KATNIP: variants seen among roughly 807,000 people sequenced by gnomAD.
The protein encoded by KATNIP is katanin-interacting protein.
KATNIP carries 126 observed loss-of-function variants against 174.0 expected under a neutral mutation model. The ratio of observed to expected loss-of-function variants is 0.72; its 90% CI spans 0.63 to 0.84. The LOEUF (loss-of-function observed/expected upper bound fraction) is 0.84. Among genes scored for constraint, KATNIP ranks in the 40% least tolerant of loss-of-function variants. The pLI is 0.00. For missense variants in KATNIP, 1,958 were observed against 2,109.7 expected (o/e 0.93, Z 1.41); for synonymous variants, 810 against 835.7 (o/e 0.97, Z 0.53).
intron 2 of KATNIP, among the ~76,000 whole-genome samples, chr16:27,609,292 G>C (rs775179470): frequency 6.6e-6 from 1 of 151,752 alleles, no homozygotes; most frequent in African/African-American, 2.4e-5. Context: ...ACACAGGAGA[G>C]GGGGCGTGCA....
At chr16:27,767,081 C>T (rs2082151224) in intron 20 of KATNIP, among the ~76,000 whole-genome samples, 1 of 152,146 alleles carries the variant, frequency 6.6e-6, no homozygotes, top group South Asian at 2.1e-4. Context: ...GCCCTTTTCT[C>T]TGGCTTTTCT....
chr16:27,603,549 A>T (rs987891620), intron 2 of KATNIP, among the ~76,000 whole-genome samples: 8 of 149,408 alleles, frequency 5.4e-5, no homozygotes, highest in African/African-American at 2.0e-4. Context: ...CACCACCCCC[A>T]ACTGCAGTGA....
chr16:27,594,377 C>T (rs764887202), intron 2 of KATNIP, among the ~76,000 whole-genome samples: 4 of 151,962 alleles, frequency 2.6e-5, no homozygotes, highest in Non-Finnish European at 4.4e-5. Context: ...TTGTGGTGTC[C>T]GTGACTCACG....
In KATNIP at chr16:27,701,651, G is replaced by T; in HGVS notation, c.1242G>T (p.Arg414Ser). ...QEPAGAAGGA[R>S]AINQAMDRIG... ...CGGCCGGGGCAGCAGGAGGAGCCAGGGCCATCAACCAGGCCATGGACAGAA... is the reference window on the plus strand; with the variant it reads ...CGGCCGGGGCAGCAGGAGGAGCCAGTGCCATCAACCAGGCCATGGACAGAA... The change falls in exon 11 of 28, where the codon AGG (arginine) becomes AGT (serine). Residue 414 changes from arginine to serine, a missense_variant. Coordinates refer to ENST00000261588, the MANE Select transcript of KATNIP (RefSeq NM_015202.5). 6.2e-7 allele frequency: 1 copy of T among 1,608,376 alleles called. No individual in the cohort carries two copies. The highest frequency in any genetic ancestry group is 1.1e-5 in the South Asian group (1 of 89,190).
At chr16:27,643,694 G>C (rs2076873441) in intron 5 of KATNIP, among the ~76,000 whole-genome samples, 1 of 151,512 alleles carries the variant, frequency 6.6e-6, no homozygotes, top group Admixed American at 6.6e-5. Context: ...AGCGTTGATG[G>C]GTGAGCGGGG....
At chr16:27,773,317 C>A in intron 23 of KATNIP, 108 bp downstream of exon 23, 1 of 716,252 alleles carries the variant, frequency 1.4e-6, no homozygotes, top group Non-Finnish European at 2.3e-6. Flanking sequence ...CCTCTAGGAA[C>A]CAGAGCCCAG....
At chr16:27,766,586 C>T (rs541514475) in intron 20 of KATNIP, 112 bp downstream of exon 20, 31 of 1,141,638 alleles carry the variant, frequency 2.7e-5, no homozygotes, top group African/African-American at 2.6e-4. Context: ...ATTTTCCAAA[C>T]GGAGCTGGGG....
chr16:27,600,748 A>G (rs1161144003), intron 2 of KATNIP, among the ~76,000 whole-genome samples: 1 of 133,012 alleles, frequency 7.5e-6, no homozygotes, highest in African/African-American at 2.8e-5. Flanking sequence ...TTTTTTTTTT[A>G]GACGGAGTTT....
At position 27,677,779 on chromosome 16, in the gene KATNIP, G is replaced by A. The variant is rs1213826710; in HGVS notation, c.591G>A (p.Lys197=). The A allele has an allele frequency of 6.2e-7, 1 of 1,614,092 alleles. No individual in the cohort carries two copies. The highest frequency in any genetic ancestry group is 1.7e-5 in the Admixed American group (1 of 60,018). ...GTGTAAATCTACAAAGGAAACAAAA[G>A]GATTGTTCCAGCGATGAGTATGACT... The part of the protein sequence containing the change: ...ELSVNLQRKQ[K]DCSSDEYDSI... Residue 197 remains lysine, a synonymous_variant, in exon 7 of 28, where the codon AAG becomes AAA. Coordinates refer to ENST00000261588, the MANE Select transcript of KATNIP (RefSeq NM_015202.5).
At chr16:27,570,849 A>G (rs1270890713) in intron 1 of KATNIP, among the ~76,000 whole-genome samples, 1 of 152,180 alleles carries the variant, frequency 6.6e-6, no homozygotes, top group African/African-American at 2.4e-5. Flanking sequence ...AGTTAGAGAA[A>G]TGTGAAGACA....
intron 2 of KATNIP, among the ~76,000 whole-genome samples, chr16:27,592,070 G>T (rs2075187704): frequency 6.6e-6 from 1 of 152,054 alleles, no homozygotes. Context: ...TAAAATTATG[G>T]CCTGGGAGAC....
chr16:27,552,278 A>T (rs151104594), intron 1 of KATNIP, among the ~76,000 whole-genome samples: 1 of 152,246 alleles, frequency 6.6e-6, no homozygotes, highest in African/African-American at 2.4e-5. Flanking sequence ...ACAAATATAT[A>T]ATTGGAGCAG....
At chr16:27,596,629 G>A (rs1197922807) in intron 2 of KATNIP, among the ~76,000 whole-genome samples, 1 of 152,156 alleles carries the variant, frequency 6.6e-6, no homozygotes, top group African/African-American at 2.4e-5. Context: ...AGAAATGGTA[G>A]CTCACACTGT....
intron 13 of KATNIP, among the ~76,000 whole-genome samples, chr16:27,712,333 G>A (rs1260542348): frequency 2.0e-5 from 3 of 152,078 alleles, no homozygotes; most frequent in South Asian, 2.1e-4. Flanking sequence ...CGGGGCTACC[G>A]GAACACACTG....
intron 17 of KATNIP, among the ~76,000 whole-genome samples, chr16:27,753,590 G>T (rs2081600075): frequency 6.6e-6 from 1 of 152,158 alleles, no homozygotes; most frequent in Non-Finnish European, 1.5e-5. Context: ...TTTTATCCTG[G>T]CTACCCGTGG....
At chr16:27,753,086 G>T (rs2081578973) in intron 17 of KATNIP, among the ~76,000 whole-genome samples, 2 of 152,134 alleles carry the variant, frequency 1.3e-5, no homozygotes, top group African/African-American at 2.4e-5. Flanking sequence ...AGAGCATGGG[G>T]TGCAGGAGCA....
intron 13 of KATNIP, among the ~76,000 whole-genome samples, chr16:27,720,183 C>G (rs773393114): frequency 6.6e-6 from 1 of 152,048 alleles, no homozygotes; most frequent in Non-Finnish European, 1.5e-5. Context: ...ATCCACCTCA[C>G]GAGTTCAAGC....
rs1319005567 is a variant in KATNIP, at chr16:27,776,418, C to T, written c.4450-510C>T. ...CCACTGGATTCTGCCCCGATCTAGA[C>T]AGCCCCCTTTTTACTCCCCCAGCGG... On this transcript the variant is annotated intron_variant, in intron 24 of 27. Transcript: ENST00000261588. The surrounding 1 kb of genome is among the most constrained non-coding windows in gnomAD (Gnocchi z 4.7). Among the ~76,000 whole-genome samples the T allele has an allele frequency of 6.6e-6, 1 of 152,188 alleles. No individual in the cohort carries two copies. The highest frequency in any genetic ancestry group is 1.5e-5 in the Non-Finnish European group (1 of 68,040).
intron 4 of KATNIP, among the ~76,000 whole-genome samples, chr16:27,630,223 G>T (rs542225322): frequency 7.9e-5 from 12 of 152,312 alleles, no homozygotes; most frequent in Admixed American, 3.3e-4. Context: ...ACCTTAGGCA[G>T]TTAGGACCTC....
Sources: gnomAD v4.1 joint callset for allele counts (sites outside exome capture counted in the v4.1 genomes callset) on GRCh38, gnomAD v4.1.1 for gene constraint, Gnocchi (gnomAD v3.1) non-coding constraint, MANE v1.5 for transcripts, NCBI Gene and HGNC (gene_info 2026-07-23, HGNC 2026-07-21) for gene names.